The following SORBS3 variants were observed in gnomAD, a reference collection of about 807,000 sequenced individuals.
SORBS3 encodes the protein sorbin and SH3 domain containing 3.
A neutral mutation model predicts 98.0 loss-of-function variants in SORBS3; 69 were observed. The observed-to-expected ratio is 0.70, with a 90% confidence interval of 0.58 to 0.86. The LOEUF is 0.86. Among genes scored for constraint, SORBS3 ranks in the 40% least tolerant of loss-of-function variants. The probability of loss-of-function intolerance (pLI) is 0.00; values close to 1 mark genes in which losing one functional copy is unlikely to be tolerated. For synonymous variants in SORBS3, 394 were observed against 355.4 expected (o/e 1.11, Z -1.22); for missense variants, 954 against 908.5 (o/e 1.05, Z -0.64).
At chr8:22,572,643 A>G (rs1465552721) in intron 20 of SORBS3, among the ~76,000 whole-genome samples, 197 bp downstream of exon 20, 1 of 152,226 alleles carries the variant, frequency 6.6e-6, no homozygotes, top group East Asian at 1.9e-4. Context: ...TCCTTCATGA[A>G]GAGGCCAAGG....
chr8:22,565,399 A>C, intron 11 of SORBS3, 45 bp downstream of exon 11: 1 of 1,475,070 alleles, frequency 6.8e-7, no homozygotes, highest in Non-Finnish European at 9.2e-7. Context: ...CGGCGACCGC[A>C]GGGTCGGGGC....
chr8:22,571,290 G>C, intron 18 of SORBS3, 69 bp downstream of exon 18: 2 of 905,698 alleles, frequency 2.2e-6, no homozygotes, highest in Non-Finnish European at 3.3e-6. Flanking sequence ...CCCGTGACTT[G>C]TCCACACTTG....
Position 22,572,365 on chromosome 8 carries a change from C to T in SORBS3, c.1873C>T (p.Pro625Ser). Residue 625 changes from proline (P) to serine (S), a missense_variant, in exon 20 of 21, where the codon CCC becomes TCC. By Grantham distance (74) the Pro-to-Ser change is moderately conservative. Coordinates refer to ENST00000240123, the MANE Select transcript of SORBS3 (RefSeq NM_005775.5). ...TPYRAMYQYR[P>S]QNEDELELRE... is the part of the protein sequence containing the mutation. ...GTACCGGGCGATGTACCAGTACAGG[C>T]CCCAGAACGAAGACGAGCTGGAGCT... 6.2e-7 allele frequency: 1 copy of T among 1,614,012 alleles called. No homozygotes were observed. The highest frequency in any genetic ancestry group is 8.5e-7 in the Non-Finnish European group (1 of 1,179,936).
chr8:22,567,192 A>C lies in SORBS3; in HGVS notation c.1305+17A>C. 2 of 1,465,588 alleles carry C rather than the reference A, an allele frequency of 1.4e-6. No individual in the cohort carries two copies. The highest frequency in any genetic ancestry group is 1.9e-6 in the Non-Finnish European group (2 of 1,047,984). The allele number at this position is 1,465,588 out of a possible 1,614,324, so 90.8% of individuals were successfully genotyped here. A position where few individuals can be genotyped will look rare whatever the true frequency, so the allele number is the denominator to read the frequency against. The stretch of plus-strand genomic sequence containing the variant: ...TATGTGGAGGTGAGCAGGAGAGACA[A>C]GAGCAAGTGGGGCTGGGCTGGGAGG... On this transcript the variant is annotated intron_variant, in intron 16 of 20. Transcript: ENST00000240123.
chr8:22,551,868 C>T (rs1840088153), upstream of SORBS3: 15 of 985,110 alleles, frequency 1.5e-5, no homozygotes, highest in Non-Finnish European at 1.8e-5. The surrounding 1 kb of genome is among the most constrained non-coding windows in gnomAD (Gnocchi z 5.8). Context: ...GCGCCCGGCC[C>T]GGCCCGGCCC....
In SORBS3 at chr8:22,571,091, G is replaced by C. The variant is rs763085941; in HGVS notation, c.1613G>C (p.Arg538Pro). The change falls in exon 18 of 21, where the codon CGC becomes CCC. Residue 538 changes from arginine to proline, a missense_variant. Arg to Pro is a moderately radical substitution (Grantham distance 103). Coordinates refer to ENST00000240123, the MANE Select transcript of SORBS3 (RefSeq NM_005775.5). Reference sequence around the variant, plus strand: ...TCTCCCCGCCTGACCGCTGCCGCCCGCTCAGCCCGTCACCCCAGCTCCCCC... The same window carrying C: ...TCTCCCCGCCTGACCGCTGCCGCCCCCTCAGCCCGTCACCCCAGCTCCCCC... ...PTSPRLTAAA[R>P]SARHPSSPSA... is the part of the protein sequence containing the mutation. 1.9e-6 allele frequency: 3 copies of C among 1,610,638 alleles called. No individual in the cohort carries two copies. The highest frequency in any genetic ancestry group is 2.2e-5 in the East Asian group (1 of 44,840).
chr8:22,570,716 G>A (rs186158222), intron 17 of SORBS3, among the ~76,000 whole-genome samples, 194 bp from the exon 18 acceptor site: 58 of 152,176 alleles, frequency 3.8e-4, no homozygotes, highest in African/African-American at 1.2e-3. Context: ...CTCAGCCTCA[G>A]CCTTGCCTGG....
intron 3 of SORBS3, among the ~76,000 whole-genome samples, chr8:22,555,844 T>G (rs1250534896): frequency 6.6e-6 from 1 of 152,082 alleles, no homozygotes; most frequent in Non-Finnish European, 1.5e-5. Context: ...AGAGCAAAAC[T>G]GTCTCAAAAC....
At chr8:22,567,345 C>T (rs1052324547) in intron 16 of SORBS3, among the ~76,000 whole-genome samples, 170 bp downstream of exon 16, 32 of 152,336 alleles carry the variant, frequency 2.1e-4, no homozygotes, top group African/African-American at 7.7e-4. Flanking sequence ...GTGCATGACC[C>T]CAGGAAATGT....
intron 17 of SORBS3, 32 bp from the exon 18 acceptor site, chr8:22,570,878 G>C (rs756321758): frequency 8.3e-6 from 13 of 1,558,088 alleles, no homozygotes; most frequent in Admixed American, 3.5e-5. Context: ...GCACCAGGAA[G>C]GCCCCACAGA....
intron 1 of SORBS3, among the ~76,000 whole-genome samples, chr8:22,546,442 CCT>C (rs1840016767): frequency 6.6e-6 from 1 of 152,092 alleles, no homozygotes; most frequent in Non-Finnish European, 1.5e-5. Context: ...ATAAAAAGGA[CCT>C]CTCTCTTTCG....
At chr8:22,553,422 G>C (rs530357287) in intron 1 of SORBS3, among the ~76,000 whole-genome samples, 1 of 152,322 alleles carries the variant, frequency 6.6e-6, no homozygotes, top group East Asian at 1.9e-4. Context: ...CCAAGACGCG[G>C]AGGGATGGAC....
chr8:22,572,347 G>C lies in SORBS3; in HGVS notation c.1855G>C (p.Ala619Pro), dbSNP rs367894677. 1.9e-6 allele frequency: 3 copies of C among 1,613,836 alleles called. No homozygotes were observed. The Admixed American group carries it at 5.0e-5, about 27-fold the overall frequency. The change falls in exon 20 of 21, where the codon GCG becomes CCG. Residue 619 changes from alanine (A) to proline (P), a missense_variant. Coordinates refer to ENST00000240123, the MANE Select transcript of SORBS3 (RefSeq NM_005775.5). The stretch of plus-strand genomic sequence containing the variant: ...ATGATACGCTTCTCGCAGGTACCGG[G>C]CGATGTACCAGTACAGGCCCCAGAA... ...TSQIHWTPYR[A>P]MYQYRPQNED...
chr8:22,574,733 T>A lies in SORBS3; in HGVS notation c.*5T>A. The A allele has an allele frequency of 1.2e-6, 2 of 1,610,480 alleles. No homozygotes were observed. The highest frequency in any genetic ancestry group is 8.5e-7 in the Non-Finnish European group (1 of 1,177,318). On this transcript the variant is annotated 3_prime_UTR_variant, in exon 21 of 21. Transcript: ENST00000240123. ...AATTACGTTGCCCCGGTGTGAGTGG[T>A]CTCCATGGCAACTTGGAGCCAGCCA...
At chr8:22,569,606 G>A (rs1472527604) in intron 17 of SORBS3, among the ~76,000 whole-genome samples, 2 of 152,110 alleles carry the variant, frequency 1.3e-5, no homozygotes, top group African/African-American at 2.4e-5. Context: ...CTAAAGTGTT[G>A]GGATTACAGG....
intron 17 of SORBS3, among the ~76,000 whole-genome samples, chr8:22,570,700 C>T (rs1040530136): frequency 6.6e-6 from 1 of 152,156 alleles, no homozygotes; most frequent in African/African-American, 2.4e-5. Context: ...AGAGGCAGGA[C>T]CCAGTCTCAG....
upstream of SORBS3, among the ~76,000 whole-genome samples, chr8:22,548,210 A>C (rs2449335): frequency 0.48 from 72,768 of 152,006 alleles, 17,594 homozygotes; most frequent in East Asian, 0.59. Context: ...TGAAGCCCCA[A>C]AATGGGTCAT....
At chr8:22,565,723 G>T (rs1840396279) in intron 11 of SORBS3, 103 bp from the exon 12 acceptor site, 18 of 1,236,610 alleles carry the variant, frequency 1.5e-5, no homozygotes, top group Non-Finnish European at 1.8e-5. Flanking sequence ...CGTCCCGCCC[G>T]CTCTCCTCCC....
At chr8:22,565,771 G>C (rs1238097621) in intron 11 of SORBS3, 55 bp from the exon 12 acceptor site, 5 of 1,298,620 alleles carry the variant, frequency 3.9e-6, no homozygotes, top group African/African-American at 1.6e-5. Context: ...CGGCGGCCTC[G>C]GCTGCCGCTG....
Sources: gnomAD v4.1 joint callset for allele counts (sites outside exome capture counted in the v4.1 genomes callset) on GRCh38, gnomAD v4.1.1 for gene constraint, Gnocchi (gnomAD v3.1) non-coding constraint, MANE v1.5 for transcripts, NCBI Gene and HGNC (gene_info 2026-07-23, HGNC 2026-07-21) for gene names.